LYPD6: variants seen among roughly 807,000 people sequenced by gnomAD.
LYPD6 encodes the protein ly6/PLAUR domain-containing protein 6.
In LYPD6, 15 loss-of-function variants were observed where a neutral mutation model predicts 22.7. That is an observed-to-expected ratio of 0.66 (90% CI 0.44 to 1.02). The LOEUF is 1.02. Among genes scored for constraint, LYPD6 ranks in the 50% least tolerant of loss-of-function variants. The pLI, the probability that LYPD6 is intolerant of heterozygous loss-of-function variation, is 0.00. For missense variants in LYPD6, 189 were observed against 208.4 expected, an observed-to-expected ratio of 0.91 and a Z score of 0.57; for synonymous variants, 72 against 77.5, an observed-to-expected ratio of 0.93 and a Z score of 0.37.
intron 1 of LYPD6, among the ~76,000 whole-genome samples, chr2:149,337,642 C>A (rs1399106860): frequency 6.6e-6 from 1 of 150,944 alleles, no homozygotes; most frequent in East Asian, 2.0e-4. Context: ...AAAAAAAAAA[C>A]TTATATTTTA....
intron 2 of LYPD6, among the ~76,000 whole-genome samples, 186 bp downstream of exon 2, chr2:149,438,012 G>T (rs1172840332): frequency 6.6e-6 from 1 of 152,154 alleles, no homozygotes; most frequent in Non-Finnish European, 1.5e-5. Flanking sequence ...GATTTTTGGT[G>T]GTGTTAAGGC....
chr2:149,412,433 C>T (rs1431562864), intron 1 of LYPD6, among the ~76,000 whole-genome samples: 1 of 150,852 alleles, frequency 6.6e-6, no homozygotes, highest in African/African-American at 2.4e-5. Flanking sequence ...TCTTCAAGTT[C>T]CCATACCTGG....
intron 1 of LYPD6, among the ~76,000 whole-genome samples, chr2:149,361,333 G>A (rs1042609006): frequency 1.3e-5 from 2 of 152,184 alleles, no homozygotes; most frequent in Non-Finnish European, 2.9e-5. Flanking sequence ...GGGTGACACA[G>A]TTACAAATAG....
intron 1 of LYPD6, among the ~76,000 whole-genome samples, chr2:149,331,826 T>G (rs1407102352): frequency 6.6e-6 from 1 of 152,218 alleles, no homozygotes; most frequent in Non-Finnish European, 1.5e-5. Context: ...AGGGGGAAGC[T>G]TATTTCTTGT....
chr2:149,371,346 C>G (rs1401719082), intron 1 of LYPD6, among the ~76,000 whole-genome samples: 2 of 152,318 alleles, frequency 1.3e-5, no homozygotes, highest in East Asian at 1.9e-4. Flanking sequence ...TTCCATGCAT[C>G]TTTAGCAAGG....
Position 149,359,029 on chromosome 2 carries a change from C to T in LYPD6, c.-72+28307C>T, listed in dbSNP as rs1336304655. Among the ~76,000 whole-genome samples the T allele has an allele frequency of 3.9e-5, 6 of 152,210 alleles. No individual in the cohort carries two copies. The East Asian group carries it at 1.2e-3, about 29-fold the overall frequency. On this transcript the variant is annotated intron_variant, in intron 1 of 4. Transcript: ENST00000334166. ...AAAAATATACTTACGTCCTCCATCT[C>T]TATGCTCCCATGATCCTCTATGTAA...
At chr2:149,341,969 A>G (rs751262245) in intron 1 of LYPD6, among the ~76,000 whole-genome samples, 2 of 152,228 alleles carry the variant, frequency 1.3e-5, no homozygotes, top group Non-Finnish European at 2.9e-5. Flanking sequence ...TAGGTTTTGC[A>G]TTATATGACA....
At chr2:149,334,103 CAT>C (rs1680989437) in intron 1 of LYPD6, among the ~76,000 whole-genome samples, 1 of 151,712 alleles carries the variant, frequency 6.6e-6, no homozygotes, top group African/African-American at 2.4e-5. Context: ...AGTGAAAACA[CAT>C]AGGGAAAGTA....
intron 1 of LYPD6, among the ~76,000 whole-genome samples, chr2:149,383,133 C>T (rs995687430): frequency 5.9e-5 from 9 of 152,112 alleles, no homozygotes; most frequent in African/African-American, 1.9e-4. Context: ...TGTTTTGCAA[C>T]TATCACCACT....
intron 1 of LYPD6, among the ~76,000 whole-genome samples, chr2:149,402,879 C>G (rs182351817): frequency 7.5e-6 from 1 of 133,126 alleles, no homozygotes; most frequent in Non-Finnish European, 1.6e-5. Context: ...ATCCCTCCCC[C>G]CTCCCCCAAC....
chr2:149,391,141 C>T (rs1682298954), intron 1 of LYPD6, among the ~76,000 whole-genome samples: 1 of 152,158 alleles, frequency 6.6e-6, no homozygotes, highest in Non-Finnish European at 1.5e-5. Flanking sequence ...CTAGCATTCT[C>T]TTGAATGTAC....
chr2:149,337,633 A>G (rs1233839338), intron 1 of LYPD6, among the ~76,000 whole-genome samples: 1 of 147,848 alleles, frequency 6.8e-6, no homozygotes, highest in Middle Eastern at 3.2e-3. Context: ...GCCCCCTTTA[A>G]AAAAAAAACT....
At chr2:149,410,595 T>C (rs894972504) in intron 1 of LYPD6, among the ~76,000 whole-genome samples, 5 of 152,170 alleles carry the variant, frequency 3.3e-5, no homozygotes, top group African/African-American at 1.2e-4. Context: ...CAGTTAATCC[T>C]CTATTCCCCA....
intron 1 of LYPD6, among the ~76,000 whole-genome samples, chr2:149,420,783 C>T (rs1210122240): frequency 1.3e-5 from 2 of 152,114 alleles, no homozygotes; most frequent in Non-Finnish European, 2.9e-5. Context: ...TGTGATTATG[C>T]GGGACTGCTA....
At chr2:149,428,027 A>T (rs1047743944) in intron 1 of LYPD6, among the ~76,000 whole-genome samples, 18 of 152,240 alleles carry the variant, frequency 1.2e-4, no homozygotes, top group Non-Finnish European at 2.5e-4. Flanking sequence ...ATGCAAATAG[A>T]TTCGCAGTTA....
chr2:149,404,879 A>G (rs886455650), intron 1 of LYPD6, among the ~76,000 whole-genome samples: 1 of 152,116 alleles, frequency 6.6e-6, no homozygotes, highest in Non-Finnish European at 1.5e-5. Flanking sequence ...TTTGTCATAG[A>G]TAGGTCTTAT....
chr2:149,342,211 A>G (rs1021040816), intron 1 of LYPD6, among the ~76,000 whole-genome samples: 6 of 152,178 alleles, frequency 3.9e-5, no homozygotes, highest in African/African-American at 1.2e-4. Flanking sequence ...GCACAAAACT[A>G]TTAATGAAGG....
At chr2:149,333,778 T>C (rs1410050855) in intron 1 of LYPD6, among the ~76,000 whole-genome samples, 2 of 152,190 alleles carry the variant, frequency 1.3e-5, no homozygotes, top group Non-Finnish European at 2.9e-5. Context: ...TTGTTAGCTG[T>C]TGGTATCATA....
intron 1 of LYPD6, among the ~76,000 whole-genome samples, chr2:149,430,713 A>G (rs920400202): frequency 2.6e-5 from 4 of 152,220 alleles, no homozygotes; most frequent in Non-Finnish European, 4.4e-5. Flanking sequence ...AATTGCGTAT[A>G]TACTGACTTA....
Sources: allele counts gnomAD v4.1 joint callset (sites outside exome capture counted in the v4.1 genomes callset), GRCh38; gene constraint gnomAD v4.1.1; transcripts MANE v1.5; gene names NCBI Gene and HGNC (gene_info 2026-07-23, HGNC 2026-07-21).